Variants in ADAM19 observed in about 807,000 individuals in gnomAD.
The protein encoded by ADAM19 is ADAM metallopeptidase domain 19.
A neutral mutation model predicts 114.7 loss-of-function variants in ADAM19; 65 were observed. The ratio of observed to expected loss-of-function variants is 0.57; its 90% CI spans 0.46 to 0.70. The LOEUF (loss-of-function observed/expected upper bound fraction) is 0.70, where lower values mean the gene tolerates loss of function less well. Ranked by LOEUF, ADAM19 falls within the 30% of genes least tolerant of loss-of-function variation. The pLI, the probability that ADAM19 is intolerant of heterozygous loss-of-function variation, is 0.00. For synonymous variants in ADAM19, 466 were observed against 460.5 expected, an observed-to-expected ratio of 1.01 and a Z score of -0.15; for missense variants, 1,063 against 1,204.7, an observed-to-expected ratio of 0.88 and a Z score of 1.74.
At chr5:157,497,599 A>ACT (rs56249127) in intron 13 of ADAM19, among the ~76,000 whole-genome samples, 70 of 151,578 alleles carry the variant, frequency 4.6e-4, no homozygotes, top group Non-Finnish European at 9.6e-4. Context: ...ACACACACAC[A>ACT]AAACTAGCAT....
At chr5:157,487,662 T>TG (rs5872511) in intron 21 of ADAM19, among the ~76,000 whole-genome samples, 45,242 of 151,910 alleles carry the variant, frequency 0.3, 7,261 homozygotes, top group East Asian at 0.72. Context: ...GCACCAGGGC[T>TG]GGTGGGGGAG....
At chr5:157,539,399 G>C (rs182442843) in intron 3 of ADAM19, among the ~76,000 whole-genome samples, 1 of 152,302 alleles carries the variant, frequency 6.6e-6, no homozygotes, top group Admixed American at 6.5e-5. Context: ...CCCAGGTTTT[G>C]AAAGAGGTGA....
At position 157,481,593 on chromosome 5, in the gene ADAM19, A is replaced by T. The variant is rs117669753; in HGVS notation, c.2703+198T>A. 431 of 1,524,228 alleles carry T rather than the reference A, an allele frequency of 2.8e-4. 4 individuals are homozygous for T. In the East Asian group the frequency reaches 9.1e-3, roughly 32 times the overall value. 94.4% of individuals were successfully genotyped at this position (1,524,228 alleles called of 1,614,324 possible). A position where few individuals can be genotyped will look rare whatever the true frequency, so the allele number is the denominator to read the frequency against. On this transcript the variant is annotated intron_variant, in intron 22 of 22. Coordinates refer to ENST00000257527, the MANE Select transcript of ADAM19 (RefSeq NM_033274.5). ...AGCCACCACAGCTCAGGATTCTAAG[A>T]ATCACCTTTCACATGAAGCCAAAAC...
chr5:157,552,140 G>C (rs1410076886), intron 3 of ADAM19, among the ~76,000 whole-genome samples: 1 of 151,944 alleles, frequency 6.6e-6, no homozygotes, highest in East Asian at 1.9e-4. Flanking sequence ...GACAGATCAA[G>C]ACTCTGTCTC....
At chr5:157,495,374 C>A (rs1042145548) in intron 14 of ADAM19, among the ~76,000 whole-genome samples, 5 of 152,076 alleles carry the variant, frequency 3.3e-5, no homozygotes, top group Non-Finnish European at 7.4e-5. Context: ...GCTAAGCCTG[C>A]TCTCTAATGA....
At chr5:157,550,716 G>A (rs895670843) in intron 3 of ADAM19, among the ~76,000 whole-genome samples, 2 of 151,918 alleles carry the variant, frequency 1.3e-5, no homozygotes, top group Non-Finnish European at 2.9e-5. Context: ...AGAGAGCTTG[G>A]GTTTAAAGAG....
At chr5:157,499,481 G>C in intron 13 of ADAM19, 92 bp downstream of exon 13, 2 of 1,109,590 alleles carry the variant, frequency 1.8e-6, no homozygotes, top group Non-Finnish European at 2.7e-6. Context: ...CCCCAGGATG[G>C]AGGCAAATCC....
intron 1 of ADAM19, among the ~76,000 whole-genome samples, chr5:157,574,370 C>T (rs547673933): frequency 6.6e-6 from 1 of 152,322 alleles, no homozygotes; most frequent in East Asian, 1.9e-4. Context: ...CTGACACAGG[C>T]CTGGTGCTAC....
In ADAM19 at chr5:157,497,029, A is replaced by G. The variant is rs1009310124; in HGVS notation, c.1459T>C (p.Cys487Arg). 16 of 1,583,412 alleles carry G rather than the reference A, an allele frequency of 1.0e-5. No individual in the cohort carries two copies. Among genetic ancestry groups the G allele is most frequent in the Non-Finnish European group, 1.4e-5 (16 of 1,167,410 alleles). Reference sequence around the variant, plus strand: ...GGGCAGTGGGGAGACTTGCCCGTACAGAACTCCGGGAGGTCACACTGCCTG... The same window carrying G: ...GGGCAGTGGGGAGACTTGCCCGTACGGAACTCCGGGAGGTCACACTGCCTG... ...QARQCDLPEF[C>R]TGKSPHCPTN... Residue 487 changes from cysteine to arginine, a missense_variant, in exon 14 of 23, where the codon TGT (cysteine) becomes CGT (arginine). By Grantham distance (180) the Cys-to-Arg change is radical (BLOSUM62 -3). Around this residue, in one of 3 missense-constraint regions of ADAM19, gnomAD observed 615 missense variants for 706.3 expected, o/e 0.87. Transcript: ENST00000257527.
chr5:157,495,937 T>TC (rs1436554755), intron 14 of ADAM19, among the ~76,000 whole-genome samples: 46 of 53,390 alleles, frequency 8.6e-4, no homozygotes, highest in Middle Eastern at 0.019. Flanking sequence ...CCCAGTCTTT[T>TC]TTTTTTTTTT....
chr5:157,570,303 C>A (rs6867957), intron 2 of ADAM19: 18 of 112,600 alleles, frequency 1.6e-4, no homozygotes, highest in South Asian at 6.6e-4. Flanking sequence ...AAACAAAAAA[C>A]AAAAACCAGA....
intron 5 of ADAM19, 71 bp from the exon 6 acceptor site, chr5:157,520,102 G>T: frequency 7.0e-7 from 1 of 1,436,006 alleles, no homozygotes. Flanking sequence ...GTAGGTCTTA[G>T]TTTCTCCATA....
intron 10 of ADAM19, among the ~76,000 whole-genome samples, chr5:157,506,386 T>G (rs770717472): frequency 6.6e-6 from 1 of 152,190 alleles, no homozygotes; most frequent in African/African-American, 2.4e-5. Context: ...CCCATTCCTA[T>G]CCTATGATTA....
intron 4 of ADAM19, among the ~76,000 whole-genome samples, chr5:157,534,763 T>C (rs544184310): frequency 6.6e-6 from 1 of 152,358 alleles, no homozygotes; most frequent in South Asian, 2.1e-4. Flanking sequence ...GATATTATTA[T>C]TGCCATGTTT....
chr5:157,480,977 G>T lies in ADAM19; in HGVS notation c.2729C>A (p.Ala910Asp), dbSNP rs1358829656. Residue 910 changes from alanine (A) to aspartate (D), a missense_variant, in exon 23 of 23, where the codon GCT (alanine) becomes GAT (aspartate). Coordinates refer to ENST00000257527, the MANE Select transcript of ADAM19 (RefSeq NM_033274.5). ...PKFPEYRSQRAGGMISSKI is the reference protein window; with the variant it reads ...PKFPEYRSQRDGGMISSKI ...GATTTTCGAGCTAATCATCCCTCCA[G>T]CCCTCTGTGATCTGTATTCTGGAAA... 1 of 1,614,124 alleles carries T rather than the reference G, an allele frequency of 6.2e-7. No homozygotes were observed. Among genetic ancestry groups the T allele is most frequent in the South Asian group, 1.1e-5 (1 of 91,086 alleles).
chr5:157,519,274 G>A (rs1173166185), intron 6 of ADAM19, among the ~76,000 whole-genome samples: 5 of 152,176 alleles, frequency 3.3e-5, no homozygotes, highest in Admixed American at 1.3e-4. Flanking sequence ...TGTGCATATG[G>A]TGTAGTGTCT....
Position 157,519,927 on chromosome 5 carries a change from G to C in ADAM19, c.512C>G (p.Pro171Arg). 6.2e-7 allele frequency: 1 copy of C among 1,614,056 alleles called. No individual in the cohort carries two copies. The highest frequency in any genetic ancestry group is 8.5e-7 in the Non-Finnish European group (1 of 1,180,008). ...GGAGTGCTCGAACCCACAGTTTCCC[G>C]GGGGCGGCTTGAGATGTTCAGATCT... The part of the protein sequence containing the change: ...IYRSEHLKPP[P>R]GNCGFEHSKP... Residue 171 changes from proline (P) to arginine (R), a missense_variant, in exon 6 of 23, where the codon CCG becomes CGG. Physicochemically the swap from Pro to Arg is moderately radical, Grantham distance 103. Around this residue, in one of 3 missense-constraint regions of ADAM19, gnomAD observed 615 missense variants for 706.3 expected, o/e 0.87. Coordinates refer to ENST00000257527, the MANE Select transcript of ADAM19 (RefSeq NM_033274.5).
At chr5:157,526,404 A>T (rs11745822) in intron 5 of ADAM19, among the ~76,000 whole-genome samples, 46,902 of 152,004 alleles carry the variant, frequency 0.31, 7,987 homozygotes, top group African/African-American at 0.45. Context: ...ACAAAAAAAA[A>T]TTTTTAAAAA....
At chr5:157,489,266 G>T in intron 19 of ADAM19, 80 bp from the exon 20 acceptor site, 1 of 1,005,422 alleles carries the variant, frequency 9.9e-7, no homozygotes, top group Non-Finnish European at 1.6e-6. Flanking sequence ...TTTGACCCAA[G>T]CACGGCCAGC....
Sources: allele counts gnomAD v4.1 joint callset (sites outside exome capture counted in the v4.1 genomes callset), GRCh38; gene constraint gnomAD v4.1.1; regional missense constraint gnomAD v4.1.1; transcripts MANE v1.5; gene names NCBI Gene and HGNC (gene_info 2026-07-23, HGNC 2026-07-21).